Variants in GARNL3 observed in about 807,000 individuals in gnomAD.
The protein encoded by GARNL3 is GTPase activating Rap/RanGAP domain like 3, also known as GTPase-activating Rap/Ran-GAP domain-like protein 3.
GARNL3 carries 63 observed loss-of-function variants against 125.0 expected under a neutral mutation model. The ratio of observed to expected loss-of-function variants is 0.50; its 90% CI spans 0.41 to 0.62. The LOEUF (loss-of-function observed/expected upper bound fraction) is 0.62, where lower values mean the gene tolerates loss of function less well. Among genes scored for constraint, GARNL3 ranks in the 20% least tolerant of loss-of-function variants. GARNL3 has a pLI of 0.00. For missense variants in GARNL3, 994 were observed against 1,244.0 expected (o/e 0.80, Z 3.02); for synonymous variants, 439 against 457.5 (o/e 0.96, Z 0.52).
At chr9:127,333,995 C>T (rs529361752) in intron 9 of GARNL3, among the ~76,000 whole-genome samples, 21 of 151,894 alleles carry the variant, frequency 1.4e-4, no homozygotes, top group Admixed American at 2.6e-4. Context: ...TGGGAGAGGG[C>T]CATAGGTCAG....
chr9:127,313,281 C>T, intron 3 of GARNL3, 160 bp from the exon 4 acceptor site: 1 of 649,208 alleles, frequency 1.5e-6, no homozygotes, highest in Admixed American at 2.4e-5. Flanking sequence ...CAGAGGAATA[C>T]ATGATCCCCC....
At chr9:127,388,784 A>T in intron 25 of GARNL3, 120 bp from the exon 26 acceptor site, 1 of 691,562 alleles carries the variant, frequency 1.4e-6, no homozygotes, top group Non-Finnish European at 2.6e-6. Context: ...GGGACATTAC[A>T]GATCAGTGTG....
At chr9:127,327,988 C>T (rs1215761562) in intron 7 of GARNL3, among the ~76,000 whole-genome samples, 1 of 152,146 alleles carries the variant, frequency 6.6e-6, no homozygotes, top group East Asian at 1.9e-4. Flanking sequence ...ATTTATTGAG[C>T]ACCCACTGAG....
intron 11 of GARNL3, among the ~76,000 whole-genome samples, chr9:127,336,770 G>A (rs901527623): frequency 9.9e-5 from 15 of 152,204 alleles, no homozygotes; most frequent in African/African-American, 3.6e-4. Context: ...TGAAGCTTCT[G>A]CAGTGTCTGA....
intron 22 of GARNL3, among the ~76,000 whole-genome samples, chr9:127,368,153 G>A (rs1400120197): frequency 6.7e-6 from 1 of 148,362 alleles, no homozygotes; most frequent in African/African-American, 2.5e-5. Context: ...ATAACAGAGA[G>A]GCGACGGGAT....
At chr9:127,324,989 A>G (rs1222266597) in intron 6 of GARNL3, 80 bp from the exon 7 acceptor site, 1 of 1,413,234 alleles carries the variant, frequency 7.1e-7, no homozygotes, top group Non-Finnish European at 1.0e-6. Flanking sequence ...TGAGCAAACC[A>G]AAGCTTGGCT....
intron 1 of GARNL3, among the ~76,000 whole-genome samples, chr9:127,228,210 G>A (rs1331858370): frequency 1.3e-5 from 2 of 152,140 alleles, no homozygotes; most frequent in Admixed American, 6.5e-5. Context: ...GACACATGTA[G>A]TTTACTTACA....
At chr9:127,228,324 G>A (rs2062948285) in intron 1 of GARNL3, among the ~76,000 whole-genome samples, 1 of 152,182 alleles carries the variant, frequency 6.6e-6, no homozygotes, top group Admixed American at 6.5e-5. Flanking sequence ...AGAAGTGATG[G>A]GAGTTATTGG....
At chr9:127,357,197 T>C in intron 20 of GARNL3, 22 bp from the exon 21 acceptor site, 1 of 1,613,646 alleles carries the variant, frequency 6.2e-7, no homozygotes, top group Non-Finnish European at 8.5e-7. Context: ...CCCTGTCTCT[T>C]GTATCCTCAC....
intron 27 of GARNL3, among the ~76,000 whole-genome samples, chr9:127,391,719 CACTT>C (rs938780769): frequency 1.5e-5 from 2 of 136,522 alleles, no homozygotes; most frequent in African/African-American, 5.4e-5. Flanking sequence ...AAAAAAAAAA[CACTT>C]AGTAAGACTG....
At chr9:127,225,705 C>T (rs967354896) in intron 1 of GARNL3, among the ~76,000 whole-genome samples, 16 of 150,770 alleles carry the variant, frequency 1.1e-4, no homozygotes, top group African/African-American at 3.9e-4. Flanking sequence ...TCTGGTAAAC[C>T]CTCAAGGGCA....
intron 2 of GARNL3, among the ~76,000 whole-genome samples, chr9:127,244,459 C>T (rs185684821): frequency 6.2e-4 from 95 of 152,252 alleles, no homozygotes; most frequent in African/African-American, 2.1e-3. Context: ...GTGAAAATTA[C>T]CCAGGGTAGC....
At chr9:127,304,091 G>C (rs919958945) in intron 2 of GARNL3, among the ~76,000 whole-genome samples, 8 of 152,162 alleles carry the variant, frequency 5.3e-5, no homozygotes, top group African/African-American at 1.9e-4. Flanking sequence ...TCAGTTATCT[G>C]GAAAGTGTAC....
intron 1 of GARNL3, chr9:127,243,048 C>G (rs1407330751): frequency 2.3e-6 from 3 of 1,328,544 alleles, no homozygotes; most frequent in East Asian, 5.0e-5. Flanking sequence ...TTCTCTGTCT[C>G]TTAGTGCCTT....
intron 1 of GARNL3, among the ~76,000 whole-genome samples, chr9:127,289,640 G>A (rs1166243018): frequency 1.3e-5 from 2 of 152,222 alleles, no homozygotes; most frequent in Non-Finnish European, 2.9e-5. Flanking sequence ...CTCAGAGGTA[G>A]AGCTGATACT....
intron 26 of GARNL3, among the ~76,000 whole-genome samples, chr9:127,389,764 TAA>T: frequency 6.6e-6 from 1 of 151,004 alleles, no homozygotes; most frequent in South Asian, 2.1e-4. Context: ...CTATAAAAAA[TAA>T]AAAAATTAGC....
rs755809290 is a variant in GARNL3 at position 127,320,687 on chromosome 9, G to A, written c.504-28G>A. ...GCTCCTTTTTAGCTTCTCTGATGCT[G>A]CAGCTCATCCTGTCCATTCTATTTC... is the stretch of plus-strand genomic sequence containing the variant. On this transcript the variant is annotated intron_variant, in intron 5 of 27. Coordinates refer to ENST00000373387, the MANE Select transcript of GARNL3 (RefSeq NM_032293.5). 1.0e-5 allele frequency: 16 copies of A among 1,563,740 alleles called. No individual in the cohort carries two copies. The African/African-American group carries it at 1.5e-4, about 15-fold the overall frequency.
At chr9:127,335,364 T>C (rs1327510676) in intron 10 of GARNL3, 31 bp downstream of exon 10, 6 of 1,456,572 alleles carry the variant, frequency 4.1e-6, no homozygotes, top group South Asian at 1.1e-5. Context: ...CATCAAATAG[T>C]GATGTGAATG....
rs2065291507 is a variant in GARNL3, at chr9:127,318,115, A to C, written c.491A>C (p.Lys164Thr). ...AGTCCCACAAAAACTCTTTCTGTGA[A>C]GTCCATCTTAAGGTGAGTTCTAATG... is the stretch of plus-strand genomic sequence containing the variant. ...PYSPTKTLSV[K>T]SILSAMNLDK... Residue 164 changes from lysine (K) to threonine (T), a missense_variant, in exon 5 of 28, where the codon AAG (lysine) becomes ACG (threonine). By Grantham distance (78) the Lys-to-Thr change is moderately conservative. Transcript: ENST00000373387. 1 of 1,603,078 alleles carries C rather than the reference A, an allele frequency of 6.2e-7. No homozygotes were observed. Among genetic ancestry groups the C allele is most frequent in the African/African-American group, 1.3e-5 (1 of 74,646 alleles).
Sources: allele counts gnomAD v4.1 joint callset (sites outside exome capture counted in the v4.1 genomes callset), GRCh38; gene constraint gnomAD v4.1.1; transcripts MANE v1.5; gene names NCBI Gene and HGNC (gene_info 2026-07-23, HGNC 2026-07-21).